Variants in ZNF83 observed in about 807,000 individuals in gnomAD.
The protein encoded by ZNF83 is zinc finger protein 83.
For synonymous variants in ZNF83, 209 were observed against 213.0 expected (o/e 0.98, Z 0.17); for missense variants, 552 against 629.9 (o/e 0.88, Z 1.32).
At chr19:52,689,878 G>A (rs2062116968) in intron 1 of ZNF83, among the ~76,000 whole-genome samples, 1 of 152,240 alleles carries the variant, frequency 6.6e-6, no homozygotes, top group Non-Finnish European at 1.5e-5. Context: ...CGTGTCACAG[G>A]ACAGGCCCCG....
intron 1 of ZNF83, among the ~76,000 whole-genome samples, chr19:52,681,280 CAAAAA>C (rs56916405): frequency 1.1e-4 from 8 of 75,426 alleles, no homozygotes; most frequent in South Asian, 6.4e-4. Flanking sequence ...GAGACTTTCT[CAAAAA>C]AAAAAAAAAA....
At position 52,655,569 on chromosome 19, in the gene ZNF83, T is replaced by A. The variant is rs1372774179; in HGVS notation, c.-82A>T. 3.3e-6 allele frequency: 5 copies of A among 1,500,948 alleles called. No homozygotes were observed. In the East Asian group the frequency reaches 9.0e-5, roughly 27 times the overall value. The allele number at this position is 1,500,948 out of a possible 1,614,324, so 93.0% of individuals were successfully genotyped here. ...AGGGACATTTTCCTCACCCACAGACTCCAGGTTCCTGTAGTTCTCCAACAT... is the reference window on the plus strand; with the variant it reads ...AGGGACATTTTCCTCACCCACAGACACCAGGTTCCTGTAGTTCTCCAACAT... On this transcript the variant is annotated 5_prime_UTR_variant, in exon 3 of 6. Coordinates refer to the ZNF83 transcript ENST00000594682.
chr19:52,614,535 C>T (rs1165660574), exon 3 of ZNF83: 1 of 1,600,236 alleles, frequency 6.2e-7, no homozygotes, highest in South Asian at 1.1e-5. Context: ...TAACAGGCTG[C>T]TTTTGTGCAT....
At chr19:52,680,155 GACA>G (rs2061884114) in intron 1 of ZNF83, among the ~76,000 whole-genome samples, 1 of 152,170 alleles carries the variant, frequency 6.6e-6, no homozygotes. Flanking sequence ...CTCCACCCTG[GACA>G]ACAAGAGGGA....
chr19:52,663,805 A>C (rs572144839), intron 1 of ZNF83, among the ~76,000 whole-genome samples: 1 of 152,400 alleles, frequency 6.6e-6, no homozygotes, highest in Non-Finnish European at 1.5e-5. Flanking sequence ...AAGAAAATTC[A>C]AAACACATAT....
At chr19:52,622,144 A>C in intron 2 of ZNF83, among the ~76,000 whole-genome samples, 1 of 149,874 alleles carries the variant, frequency 6.7e-6, no homozygotes, top group Non-Finnish European at 1.5e-5. Flanking sequence ...TCCCCTCCCC[A>C]CACCCAGTTC....
At chr19:52,689,178 C>T (rs1215155197) in intron 1 of ZNF83, among the ~76,000 whole-genome samples, 4 of 152,102 alleles carry the variant, frequency 2.6e-5, no homozygotes, top group African/African-American at 7.2e-5. Context: ...TTTGTAAGGC[C>T]ACTTATAAAA....
chr19:52,643,424 G>A (rs375997616), intron 3 of ZNF83, among the ~76,000 whole-genome samples: 6 of 151,844 alleles, frequency 4.0e-5, no homozygotes, highest in South Asian at 2.1e-4. Flanking sequence ...AGCAACTGTC[G>A]GGCATGGTGG....
intron 1 of ZNF83, among the ~76,000 whole-genome samples, chr19:52,671,613 G>A (rs369402489): frequency 1.3e-5 from 2 of 152,196 alleles, no homozygotes; most frequent in South Asian, 2.1e-4. Context: ...TGGCTAATTT[G>A]TTAGTACTTT....
chr19:52,683,129 C>T (rs2061950180), intron 1 of ZNF83, among the ~76,000 whole-genome samples: 1 of 152,178 alleles, frequency 6.6e-6, no homozygotes, highest in African/African-American at 2.4e-5. Flanking sequence ...CTTGGCCTCC[C>T]AAAGTGCTGG....
At chr19:52,639,413 C>CTTTTTTTTTTTTTTTTTTTTTTTTTTTT (rs1206783591), upstream of ZNF83, among the ~76,000 whole-genome samples, 3 of 53,876 alleles carry the variant, frequency 5.6e-5, no homozygotes, top group African/African-American at 1.8e-4. Context: ...TTAGTTTTTT[C>CTTTTTTTTTTTTTTTTTTTTTTTTTTTT]TATTTTTTTT....
intron 2 of ZNF83, among the ~76,000 whole-genome samples, chr19:52,622,491 A>T (rs990144311): frequency 6.6e-6 from 1 of 152,174 alleles, no homozygotes; most frequent in African/African-American, 2.4e-5. Flanking sequence ...TCAACAAGGC[A>T]TCTGGGTAGT....
intron 2 of ZNF83, chr19:52,617,613 C>G (rs1238496767): frequency 1.3e-5 from 2 of 151,980 alleles, no homozygotes; most frequent in East Asian, 3.9e-4. Flanking sequence ...TGACTGCAGT[C>G]CCAGCTACTT....
chr19:52,661,547 G>A (rs1023386665), intron 1 of ZNF83, among the ~76,000 whole-genome samples: 2 of 152,162 alleles, frequency 1.3e-5, no homozygotes, highest in African/African-American at 2.4e-5. Flanking sequence ...ATTATTGAGG[G>A]TGTGTCCCAT....
chr19:52,631,373 C>A (rs2060953119), intron 2 of ZNF83, among the ~76,000 whole-genome samples: 1 of 152,132 alleles, frequency 6.6e-6, no homozygotes, highest in African/African-American at 2.4e-5. Flanking sequence ...CCTTTCTGTC[C>A]AAACAACTTG....
At chr19:52,678,970 T>C (rs1033568918) in intron 1 of ZNF83, among the ~76,000 whole-genome samples, 3 of 97,580 alleles carry the variant, frequency 3.1e-5, no homozygotes, top group African/African-American at 1.2e-4. Context: ...CAAGACTCCA[T>C]CTCAAAAAAA....
Position 52,658,422 on chromosome 19 carries a change from C to T in ZNF83, c.-201+2340G>A, listed in dbSNP as rs545802947. On this transcript the variant is annotated intron_variant, in intron 2 of 5. Transcript: ENST00000594682. The stretch of plus-strand genomic sequence containing the variant: ...CTCTACCAAAAATACAACAATTAGC[C>T]AGGTGTGGTGGTGCGCACCTGTAAC... 9.2e-5 allele frequency among the ~76,000 whole-genome samples: 14 copies of T among 152,178 alleles called. No individual in the cohort carries two copies. The East Asian group carries it at 1.5e-3, about 17-fold the overall frequency.
At chr19:52,620,492 T>C (rs2060503616) in intron 2 of ZNF83, among the ~76,000 whole-genome samples, 2 of 152,200 alleles carry the variant, frequency 1.3e-5, no homozygotes, top group South Asian at 2.1e-4. Context: ...AGGCAGTGAC[T>C]ATGGCACTCC....
exon 3 of ZNF83, chr19:52,612,997 C>G (rs1318928500): frequency 1.3e-6 from 2 of 1,558,014 alleles, no homozygotes; most frequent in South Asian, 1.2e-5. Flanking sequence ...TTAATGCTAA[C>G]TGAACACTCT....
Sources: allele counts gnomAD v4.1 joint callset (sites outside exome capture counted in the v4.1 genomes callset), GRCh38; gene constraint gnomAD v4.1.1; transcripts MANE v1.5; gene names NCBI Gene and HGNC (gene_info 2026-07-23, HGNC 2026-07-21).